SGSM1: variants seen among roughly 807,000 people sequenced by gnomAD.
SGSM1 encodes small G protein signaling modulator 1.
In SGSM1, 73 loss-of-function variants were observed where a neutral mutation model predicts 133.8. The observed-to-expected ratio is 0.55, with a 90% confidence interval of 0.45 to 0.66. SGSM1 has a LOEUF of 0.66. SGSM1 is among the 30% of genes least tolerant of loss of function. The pLI is 0.00. For synonymous variants in SGSM1, 563 were observed against 573.0 expected (o/e 0.98, Z 0.25); for missense variants, 1,213 against 1,448.1 (o/e 0.84, Z 2.64).
intron 5 of SGSM1, 89 bp from the exon 6 acceptor site, chr22:24,854,907 G>T (rs7364263): frequency 4.0e-6 from 4 of 1,010,234 alleles, no homozygotes; most frequent in East Asian, 5.1e-5. Flanking sequence ...GGTGGTAACC[G>T]AGTGACACTG....
intron 2 of SGSM1, among the ~76,000 whole-genome samples, chr22:24,822,171 A>T (rs1601891226): frequency 6.9e-6 from 1 of 144,306 alleles, no homozygotes; most frequent in South Asian, 2.2e-4. Context: ...GCTCACTGCA[A>T]CCTCCGCCTC....
chr22:24,916,028 T>A (rs960314939), intron 22 of SGSM1, among the ~76,000 whole-genome samples: 1 of 131,382 alleles, frequency 7.6e-6, no homozygotes, highest in Non-Finnish European at 1.6e-5. Flanking sequence ...GCTGGAGGTA[T>A]TCGTCCACCA....
At chr22:24,902,546 C>T (rs994121725) in intron 20 of SGSM1, among the ~76,000 whole-genome samples, 12 of 152,008 alleles carry the variant, frequency 7.9e-5, no homozygotes, top group African/African-American at 2.9e-4. Flanking sequence ...TTTAGCTGGA[C>T]ATAGTGGCAT....
chr22:24,885,435 CTT>C (rs749418833), intron 15 of SGSM1, among the ~76,000 whole-genome samples: 181 of 122,012 alleles, frequency 1.5e-3, no homozygotes, highest in South Asian at 0.012. Context: ...CATTGAGCAC[CTT>C]TTTTTTTTTT....
At chr22:24,900,141 C>A (rs550825819) in intron 19 of SGSM1, among the ~76,000 whole-genome samples, 7 of 151,926 alleles carry the variant, frequency 4.6e-5, no homozygotes, top group African/African-American at 1.5e-4. Flanking sequence ...CCACCTCAGC[C>A]CCACAAGTAG....
chr22:24,924,164 A>G (rs745884936), intron 24 of SGSM1, 22 bp from the exon 25 acceptor site: 1 of 1,612,742 alleles, frequency 6.2e-7, no homozygotes, highest in Non-Finnish European at 8.5e-7. Context: ...GGCTCATGAG[A>G]TTTTTCTTTC....
chr22:24,845,937 TTTCTTTTC>T (rs1199323056), intron 3 of SGSM1, among the ~76,000 whole-genome samples: 1 of 140,332 alleles, frequency 7.1e-6, no homozygotes, highest in Non-Finnish European at 1.5e-5. Context: ...TTTCTTTTCT[TTTCTTTTC>T]TTTCTTTCTT....
chr22:24,847,073 C>T (rs551519972), intron 3 of SGSM1, among the ~76,000 whole-genome samples: 165 of 152,216 alleles, frequency 1.1e-3, no homozygotes, highest in African/African-American at 3.8e-3. Context: ...ATCTCCTGAC[C>T]TCGCTCTCCA....
rs766485840 is a variant in SGSM1 at position 24,855,536 on chromosome 22, C to G, written c.670-13C>G. The G allele has an allele frequency of 6.8e-6, 11 of 1,613,824 alleles. No homozygotes were observed. The highest frequency in any genetic ancestry group is 2.2e-5 in the East Asian group (1 of 44,872). On this transcript the variant is annotated splice_polypyrimidine_tract_variant and intron_variant, in intron 7 of 24. Coordinates refer to ENST00000400358, the MANE Select transcript of SGSM1 (RefSeq NM_001098497.3). ...CAGGCCTCATCCCTCTGTCTCCCGT[C>G]ACTCTCTACCAGATCCAGAAGAGGC...
chr22:24,848,063 C>G (rs2072124143), intron 4 of SGSM1, among the ~76,000 whole-genome samples: 1 of 152,094 alleles, frequency 6.6e-6, no homozygotes, highest in South Asian at 2.1e-4. Context: ...TCCATCTTCT[C>G]TTCCATATCA....
At chr22:24,890,614 C>G (rs1432584178) in intron 16 of SGSM1, among the ~76,000 whole-genome samples, 1 of 152,062 alleles carries the variant, frequency 6.6e-6, no homozygotes, top group Non-Finnish European at 1.5e-5. Flanking sequence ...GATCTCAGCT[C>G]ACTGCAACCT....
At chr22:24,907,721 G>A (rs139750) in intron 21 of SGSM1, among the ~76,000 whole-genome samples, 55,301 of 151,256 alleles carry the variant, frequency 0.37, 10,518 homozygotes, top group East Asian at 0.64. Flanking sequence ...TCAGGAGATC[G>A]AGACCATGGT....
At chr22:24,872,728 G>T (rs1303174812) in intron 12 of SGSM1, among the ~76,000 whole-genome samples, 1 of 152,034 alleles carries the variant, frequency 6.6e-6, no homozygotes, top group African/African-American at 2.4e-5. Context: ...GACCATCCTG[G>T]CTAACACGGT....
At chr22:24,863,764 G>A (rs1272576928) in intron 9 of SGSM1, among the ~76,000 whole-genome samples, 2 of 147,972 alleles carry the variant, frequency 1.4e-5, no homozygotes, top group African/African-American at 5.0e-5. Context: ...TTTTTGAGAT[G>A]GAGTTTCGCT....
chr22:24,817,458 T>G (rs1160484742), intron 2 of SGSM1, among the ~76,000 whole-genome samples: 1 of 152,042 alleles, frequency 6.6e-6, no homozygotes, highest in Non-Finnish European at 1.5e-5. Context: ...GTTCAAGCGA[T>G]TCTCCTGCCT....
intron 22 of SGSM1, among the ~76,000 whole-genome samples, chr22:24,915,801 GT>G (rs1191173113): frequency 1.3e-5 from 2 of 152,078 alleles, no homozygotes; most frequent in East Asian, 3.9e-4. Flanking sequence ...TCTTCATTCA[GT>G]TTTTTTCATT....
chr22:24,882,974 T>C (rs9608347), intron 14 of SGSM1, among the ~76,000 whole-genome samples: 5,892 of 151,766 alleles, frequency 0.039, 179 homozygotes, highest in Middle Eastern at 0.1. Flanking sequence ...CTCAGCTCAC[T>C]GCAAGCTCCG....
chr22:24,859,054 T>G (rs1351899024), intron 8 of SGSM1, among the ~76,000 whole-genome samples: 1 of 152,108 alleles, frequency 6.6e-6, no homozygotes, highest in Non-Finnish European at 1.5e-5. Flanking sequence ...GGGTTATAGG[T>G]GCGTGTGGTT....
chr22:24,835,174 T>C (rs558116793), intron 2 of SGSM1, among the ~76,000 whole-genome samples: 6 of 152,316 alleles, frequency 3.9e-5, no homozygotes, highest in African/African-American at 1.2e-4. Context: ...ACATGCCTGA[T>C]GCAGGGAGGT....
Sources: allele counts gnomAD v4.1 joint callset (sites outside exome capture counted in the v4.1 genomes callset), GRCh38; gene constraint gnomAD v4.1.1; transcripts MANE v1.5; gene names NCBI Gene and HGNC (gene_info 2026-07-23, HGNC 2026-07-21).